Variants in FDX1 observed in about 807,000 individuals in gnomAD.
The protein encoded by FDX1 is adrenodoxin, mitochondrial.
Under a neutral mutation model 14.9 loss-of-function variants are expected in FDX1, and 9 were observed. That is an observed-to-expected ratio of 0.60 (90% CI 0.36 to 1.05). The LOEUF (loss-of-function observed/expected upper bound fraction) is 1.05, where lower values mean the gene tolerates loss of function less well. Among genes scored for constraint, FDX1 ranks in the 50% least tolerant of loss-of-function variants. FDX1 has a pLI of 0.01. For missense variants in FDX1, 204 were observed against 237.2 expected, an observed-to-expected ratio of 0.86 and a Z score of 0.92; for synonymous variants, 92 against 99.4, an observed-to-expected ratio of 0.93 and a Z score of 0.44.
At chr11:110,453,944 TCTTC>T (rs756749975) in intron 2 of FDX1, among the ~76,000 whole-genome samples, 3 of 152,322 alleles carry the variant, frequency 2.0e-5, no homozygotes, top group East Asian at 1.9e-4. Flanking sequence ...TATTTGAACT[TCTTC>T]CTAGTACAAA....
chr11:110,441,258 G>T (rs111753051), intron 2 of FDX1, among the ~76,000 whole-genome samples: 3,477 of 152,284 alleles, frequency 0.023, 124 homozygotes, highest in African/African-American at 0.075. Context: ...AAATTGGTAC[G>T]AGGAGTAGGG....
Position 110,430,025 on chromosome 11 carries a change from G to C in FDX1, c.-96G>C. On this transcript the variant is annotated 5_prime_UTR_variant, in exon 1 of 4. Coordinates refer to ENST00000260270, the MANE Select transcript of FDX1 (RefSeq NM_004109.5). Reference sequence around the variant, plus strand: ...CCGCGCCCCTCGCCGCGGCCCTCGGGCGTCTGCGCCGCAGCTGCCGCCCCC... The same window carrying C: ...CCGCGCCCCTCGCCGCGGCCCTCGGCCGTCTGCGCCGCAGCTGCCGCCCCC... The C allele has an allele frequency of 3.3e-6, 3 of 904,778 alleles. No homozygotes were observed. Among genetic ancestry groups the C allele is most frequent in the Non-Finnish European group, 4.3e-6 (3 of 700,450 alleles). The allele number at this position is 904,778 out of a possible 1,614,324, so 56.0% of individuals were successfully genotyped here.
At chr11:110,454,823 C>T (rs1161168231) in intron 2 of FDX1, among the ~76,000 whole-genome samples, 1 of 151,968 alleles carries the variant, frequency 6.6e-6, no homozygotes, top group East Asian at 1.9e-4. Flanking sequence ...GTAAAGTAGC[C>T]CAAGGTGACA....
intron 2 of FDX1, among the ~76,000 whole-genome samples, chr11:110,437,189 T>C (rs536232741): frequency 7.4e-4 from 113 of 152,170 alleles, no homozygotes; most frequent in Non-Finnish European, 1.2e-3. Context: ...AGACAGTGTT[T>C]TGCCACATTG....
intron 2 of FDX1, among the ~76,000 whole-genome samples, chr11:110,446,631 C>G (rs76438499): frequency 6.6e-6 from 1 of 152,286 alleles, no homozygotes; most frequent in East Asian, 1.9e-4. Context: ...CCCGGCTGCT[C>G]GAACCTGAAA....
intron 2 of FDX1, among the ~76,000 whole-genome samples, chr11:110,451,234 T>A (rs1456046334): frequency 6.6e-6 from 1 of 152,174 alleles, no homozygotes; most frequent in Non-Finnish European, 1.5e-5. Context: ...TAAAAAATAA[T>A]GTTGGCTAAA....
intron 2 of FDX1, among the ~76,000 whole-genome samples, chr11:110,436,288 C>A (rs1422095332): frequency 6.6e-6 from 1 of 152,068 alleles, no homozygotes. Flanking sequence ...CAGAGGGGTA[C>A]TTAAATATCT....
At chr11:110,433,326 G>A (rs763758803) in intron 1 of FDX1, among the ~76,000 whole-genome samples, 4 of 152,198 alleles carry the variant, frequency 2.6e-5, no homozygotes, top group Non-Finnish European at 2.9e-5. Flanking sequence ...ATTAAATTCA[G>A]CAGGTCTAAG....
At position 110,444,730 on chromosome 11, in the gene FDX1, ATATATATATATATACACG is replaced by A. The variant is rs1565382044; in HGVS notation, c.310+8787_310+8804del. On this transcript the variant is annotated intron_variant, in intron 2 of 3. Transcript: ENST00000260270. ...CGTATATATATATATATACGTATAT[ATATATATATATATACACG>A]TATATATATATATATATATTTGCAG... is the stretch of plus-strand genomic sequence containing the variant. Among the ~76,000 whole-genome samples the A allele has an allele frequency of 3.0e-4, 20 of 65,930 alleles. 1 individual carries two copies. The highest frequency in any genetic ancestry group is 1.0e-3 in the African/African-American group (14 of 13,854). The allele number at this position is 65,930 out of a possible 152,430, so 43.3% of individuals were successfully genotyped here.
chr11:110,441,145 C>T (rs1273037287), intron 2 of FDX1, among the ~76,000 whole-genome samples: 1 of 152,236 alleles, frequency 6.6e-6, no homozygotes, highest in Non-Finnish European at 1.5e-5. Flanking sequence ...GTGAGGCTTC[C>T]TCAGCCACAT....
rs1565377916 is a variant in FDX1, at chr11:110,430,005, C to T, written c.-116C>T. 1 of 681,658 alleles carries T rather than the reference C, an allele frequency of 1.5e-6. No homozygotes were observed. The highest frequency in any genetic ancestry group is 2.0e-6 in the Non-Finnish European group (1 of 498,218). The allele number at this position is 681,658 out of a possible 1,614,324, so 42.2% of individuals were successfully genotyped here. ...GTCTCTCCGCCACTCCAGCCCCGCG[C>T]CCCTCGCCGCGGCCCTCGGGCGTCT... On this transcript the variant is annotated 5_prime_UTR_variant, in exon 1 of 4. Coordinates refer to ENST00000260270, the MANE Select transcript of FDX1 (RefSeq NM_004109.5).
intron 1 of FDX1, among the ~76,000 whole-genome samples, chr11:110,431,625 A>C (rs1946332465): frequency 6.6e-6 from 1 of 152,208 alleles, no homozygotes; most frequent in African/African-American, 2.4e-5. Context: ...TTTCTGTTAT[A>C]CAATGGATGA....
chr11:110,461,069 A>T (rs1946553457), intron 3 of FDX1, among the ~76,000 whole-genome samples: 1 of 152,238 alleles, frequency 6.6e-6, no homozygotes, highest in Admixed American at 6.5e-5. Context: ...ATTTCTTTTT[A>T]TATGCCACTA....
chr11:110,443,633 G>A (rs958677816), intron 2 of FDX1, among the ~76,000 whole-genome samples: 7 of 151,892 alleles, frequency 4.6e-5, no homozygotes, highest in South Asian at 4.1e-4. Flanking sequence ...TAGCAGAGAC[G>A]GGGTTTCACC....
intron 2 of FDX1, among the ~76,000 whole-genome samples, chr11:110,453,347 C>G (rs753078312): frequency 1.7e-4 from 26 of 151,930 alleles, no homozygotes; most frequent in Non-Finnish European, 2.5e-4. Context: ...AAAAAACAAA[C>G]AAACACAACA....
intron 2 of FDX1, among the ~76,000 whole-genome samples, chr11:110,442,260 G>A (rs1183600178): frequency 6.6e-6 from 1 of 152,234 alleles, no homozygotes; most frequent in Admixed American, 6.5e-5. Flanking sequence ...TTGGGGCACC[G>A]CCTAGTGGAG....
chr11:110,451,189 G>A (rs954307232), intron 2 of FDX1, among the ~76,000 whole-genome samples: 1 of 150,586 alleles, frequency 6.6e-6, no homozygotes, highest in Non-Finnish European at 1.5e-5. Flanking sequence ...TCTATTTTCA[G>A]GTCAGCTGCT....
chr11:110,444,431 C>A (rs1946424798), intron 2 of FDX1, among the ~76,000 whole-genome samples: 1 of 151,532 alleles, frequency 6.6e-6, no homozygotes, highest in African/African-American at 2.4e-5. Context: ...GCCTGGCCAA[C>A]ATGGTGAAGC....
At chr11:110,444,708 A>G (rs7129912) in intron 2 of FDX1, among the ~76,000 whole-genome samples, 933 of 45,882 alleles carry the variant, frequency 0.02, 42 homozygotes, top group African/African-American at 0.046. Flanking sequence ...ATATATACGT[A>G]TATATATATA....
Sources: gnomAD v4.1 joint callset for allele counts (sites outside exome capture counted in the v4.1 genomes callset) on GRCh38, gnomAD v4.1.1 for gene constraint, MANE v1.5 for transcripts, NCBI Gene and HGNC (gene_info 2026-07-23, HGNC 2026-07-21) for gene names.